Variants in ANKRD29 observed in about 807,000 individuals in gnomAD.
ANKRD29 encodes the protein ankyrin repeat domain-containing protein 29.
A neutral mutation model predicts 38.0 loss-of-function variants in ANKRD29; 32 were observed. The observed-to-expected ratio is 0.84, with a 90% CI of 0.64 to 1.13. The LOEUF (loss-of-function observed/expected upper bound fraction) is 1.13. Ranked by LOEUF, ANKRD29 falls within the 50% of genes most tolerant of loss-of-function variation. ANKRD29 has a pLI of 0.00. For synonymous variants in ANKRD29, 135 were observed against 152.4 expected, an observed-to-expected ratio of 0.89 and a Z score of 0.84; for missense variants, 357 against 377.9, an observed-to-expected ratio of 0.94 and a Z score of 0.46.
At chr18:23,655,821 C>T (rs1056158494) in intron 1 of ANKRD29, among the ~76,000 whole-genome samples, 6 of 142,202 alleles carry the variant, frequency 4.2e-5, no homozygotes, top group Non-Finnish European at 9.2e-5. Flanking sequence ...TGGCCGGGCG[C>T]GGTGGCTCAC....
In ANKRD29 at chr18:23,653,458, C is replaced by T. The variant is rs182907123; in HGVS notation, c.22-4265G>A. On this transcript the variant is annotated intron_variant, in intron 1 of 9. Coordinates refer to ENST00000592179, the MANE Select transcript of ANKRD29 (RefSeq NM_173505.4). Reference sequence around the variant, plus strand: ...TAGAGATGGGTTTTCACCATATTGGCCAGGCTGATCTCGAACTCCTGACCT... The same window carrying T: ...TAGAGATGGGTTTTCACCATATTGGTCAGGCTGATCTCGAACTCCTGACCT... Among the ~76,000 whole-genome samples the T allele has an allele frequency of 5.9e-5, 9 of 152,296 alleles. No individual in the cohort carries two copies. The East Asian group carries it at 1.7e-3, about 29-fold the overall frequency.
chr18:23,660,478 A>G (rs2060344806), intron 1 of ANKRD29, among the ~76,000 whole-genome samples: 1 of 152,226 alleles, frequency 6.6e-6, no homozygotes, highest in Non-Finnish European at 1.5e-5. Flanking sequence ...ACACTTGGTC[A>G]ATTCCAGATC....
At chr18:23,626,884 A>G (rs1328762902) in intron 6 of ANKRD29, among the ~76,000 whole-genome samples, 3 of 152,270 alleles carry the variant, frequency 2.0e-5, no homozygotes, top group African/African-American at 2.4e-5. Context: ...CAGTGCAACA[A>G]TTACAAATCA....
Position 23,601,272 on chromosome 18 carries a change from C to A in ANKRD29, c.860G>T (p.Arg287Leu). Reference protein sequence around the residue: ...ELPAELTKNERILRLLRSKEG... With the variant: ...ELPAELTKNELILRLLRSKEG... ...TTTACTTCTCAGGAGACGCAATATA[C>A]GTTCATTTTTGGTTAGTTCTGCCGG... The change falls in exon 10 of 10, where the codon CGT becomes CTT. Residue 287 changes from arginine to leucine, a missense_variant. By Grantham distance (102) the Arg-to-Leu change is moderately radical. Transcript: ENST00000592179. The A allele has an allele frequency of 6.2e-7, 1 of 1,613,894 alleles. No homozygotes were observed. The highest frequency in any genetic ancestry group is 8.5e-7 in the Non-Finnish European group (1 of 1,179,952).
rs753975139 is a variant in ANKRD29 at position 23,601,188 on chromosome 18, G to A, written c.*38C>T. Reference sequence around the variant, plus strand: ...ATGCAATTTCTTTTTGGACAATGTGGTTAAGCTTTCTATCTTTCTGTCAAA... The same window carrying A: ...ATGCAATTTCTTTTTGGACAATGTGATTAAGCTTTCTATCTTTCTGTCAAA... On this transcript the variant is annotated 3_prime_UTR_variant, in exon 10 of 10. Coordinates refer to ENST00000592179, the MANE Select transcript of ANKRD29 (RefSeq NM_173505.4). 6.3e-7 allele frequency: 1 copy of A among 1,576,016 alleles called. No homozygotes were observed. The highest frequency in any genetic ancestry group is 1.1e-5 in the South Asian group (1 of 89,860).
chr18:23,627,279 A>G (rs1430761586), intron 6 of ANKRD29, among the ~76,000 whole-genome samples: 1 of 152,232 alleles, frequency 6.6e-6, no homozygotes, highest in African/African-American at 2.4e-5. Flanking sequence ...CCCCAAAGCA[A>G]TTCTTATTTT....
chr18:23,617,496 T>A (rs80341544), intron 8 of ANKRD29, among the ~76,000 whole-genome samples: 1 of 152,084 alleles, frequency 6.6e-6, no homozygotes, highest in East Asian at 1.9e-4. Flanking sequence ...ATTACTACTG[T>A]CGATTTTTTT....
chr18:23,618,234 T>C lies in ANKRD29; in HGVS notation c.628-407A>G, dbSNP rs534902003. On this transcript the variant is annotated intron_variant, in intron 7 of 9. Transcript: ENST00000592179. ...GATCATTGTTGAGCTGTATTTACTG[T>C]TTCTAAAAAAATTTATACAGCCTTG... 1.1e-3 allele frequency among the ~76,000 whole-genome samples: 173 copies of C among 152,350 alleles called. 1 individual carries two copies. Among genetic ancestry groups the C allele is most frequent in the African/African-American group, 3.9e-3 (163 of 41,578 alleles).
At chr18:23,650,231 G>A (rs907157978) in intron 1 of ANKRD29, among the ~76,000 whole-genome samples, 2 of 151,648 alleles carry the variant, frequency 1.3e-5, no homozygotes, top group Non-Finnish European at 2.9e-5. Flanking sequence ...CTGCAGCCTC[G>A]ACCTCTCAGG....
At chr18:23,630,768 T>A (rs1381826577) in intron 5 of ANKRD29, among the ~76,000 whole-genome samples, 4 of 151,358 alleles carry the variant, frequency 2.6e-5, no homozygotes, top group Non-Finnish European at 5.9e-5. Flanking sequence ...TTTTAAAAAA[T>A]TTATTTTTAA....
At position 23,620,365 on chromosome 18, in the gene ANKRD29, A is replaced by G. The variant is rs538836257; in HGVS notation, c.529-736T>C. 1.4e-4 allele frequency among the ~76,000 whole-genome samples: 21 copies of G among 152,306 alleles called. No individual in the cohort carries two copies. The South Asian group carries it at 3.3e-3, about 24-fold the overall frequency. On this transcript the variant is annotated intron_variant, in intron 6 of 9. Transcript: ENST00000592179. The stretch of plus-strand genomic sequence containing the variant: ...GCGTATATTTGGGAGTATTTCCCCA[A>G]TATTGCTATCTCTGTGCACACTGGG...
chr18:23,633,788 C>A (rs1375626696), intron 5 of ANKRD29, among the ~76,000 whole-genome samples: 1 of 152,084 alleles, frequency 6.6e-6, no homozygotes. Flanking sequence ...CCAGGCTGGT[C>A]TCGAACTCCT....
chr18:23,655,798 T>C (rs1179489915), intron 1 of ANKRD29, among the ~76,000 whole-genome samples: 23 of 142,936 alleles, frequency 1.6e-4, no homozygotes, highest in Admixed American at 1.6e-3. Context: ...CGTTTTACTT[T>C]AAAAGATAAT....
intron 3 of ANKRD29, among the ~76,000 whole-genome samples, chr18:23,640,855 A>G (rs892227952): frequency 1.3e-5 from 2 of 152,148 alleles, no homozygotes; most frequent in African/African-American, 4.8e-5. Flanking sequence ...GTTTACCCAA[A>G]GCTGTTAAGA....
intron 6 of ANKRD29, among the ~76,000 whole-genome samples, chr18:23,624,553 C>T (rs12150751): frequency 0.082 from 11,526 of 140,736 alleles, 621 homozygotes; most frequent in Middle Eastern, 0.15. Flanking sequence ...GTTATGATAG[C>T]TGTCTTTTAC....
intron 8 of ANKRD29, among the ~76,000 whole-genome samples, chr18:23,613,548 G>A (rs545081972): frequency 4.0e-5 from 6 of 151,460 alleles, no homozygotes; most frequent in African/African-American, 1.5e-4. Context: ...TCTAAAGCTT[G>A]TTCCTTTTAT....
chr18:23,659,829 G>A (rs1292986897), intron 1 of ANKRD29, among the ~76,000 whole-genome samples: 1 of 151,770 alleles, frequency 6.6e-6, no homozygotes, highest in Non-Finnish European at 1.5e-5. Flanking sequence ...TGACTGCATC[G>A]GCCAGGCGCG....
chr18:23,662,580 A>G, intron 1 of ANKRD29, 130 bp downstream of exon 1: 3 of 891,178 alleles, frequency 3.4e-6, no homozygotes, highest in South Asian at 2.4e-5. Context: ...GCTGGAGGAG[A>G]GAGGAAGGAG....
At chr18:23,611,190 G>A (rs373988093) in intron 9 of ANKRD29, among the ~76,000 whole-genome samples, 5 of 152,328 alleles carry the variant, frequency 3.3e-5, no homozygotes, top group African/African-American at 1.2e-4. Context: ...ACAGTGGCAT[G>A]TACTCCTGTT....
Sources: allele counts gnomAD v4.1 joint callset (sites outside exome capture counted in the v4.1 genomes callset), GRCh38; gene constraint gnomAD v4.1.1; transcripts MANE v1.5; gene names NCBI Gene and HGNC (gene_info 2026-07-23, HGNC 2026-07-21).